Variants in STARD7 observed in about 807,000 individuals in gnomAD.
STARD7 encodes the protein StAR related lipid transfer domain containing 7.
In STARD7, 30 loss-of-function variants were observed where a neutral mutation model predicts 45.3. That is an observed-to-expected ratio of 0.66 (90% confidence interval 0.50 to 0.90). The LOEUF (loss-of-function observed/expected upper bound fraction) is 0.90, where lower values mean the gene tolerates loss of function less well. Ranked by LOEUF, STARD7 falls within the 40% of genes least tolerant of loss-of-function variation. The probability of loss-of-function intolerance (pLI) is 0.00; values close to 1 mark genes in which losing one functional copy is unlikely to be tolerated. For synonymous variants in STARD7, 199 were observed against 183.0 expected (o/e 1.09, Z -0.70); for missense variants, 495 against 491.3 (o/e 1.01, Z -0.07).
intron 1 of STARD7, among the ~76,000 whole-genome samples, chr2:96,200,836 C>T (rs1683293678): frequency 1.3e-5 from 2 of 152,084 alleles, no homozygotes; most frequent in South Asian, 2.1e-4. Flanking sequence ...CTCCACCTCA[C>T]CCTACCCCCT....
rs1360506072 is a variant in STARD7, at chr2:96,193,378, T to C, written c.550-26A>G. 4 of 1,504,950 alleles carry C rather than the reference T, an allele frequency of 2.7e-6. No homozygotes were observed. The African/African-American group carries it at 5.5e-5, about 21-fold the overall frequency. The allele number at this position is 1,504,950 out of a possible 1,614,324, so 93.2% of individuals were successfully genotyped here. The stretch of plus-strand genomic sequence containing the variant: ...CTGCAGAAAGAGAAAAGACCATGAA[T>C]ACCCAAGAAGACCCAAAACAAAAAT... On this transcript the variant is annotated intron_variant, in intron 3 of 7. Transcript: ENST00000337288.
intron 1 of STARD7, among the ~76,000 whole-genome samples, chr2:96,195,825 T>A (rs760150843): frequency 1.6e-4 from 25 of 152,012 alleles, no homozygotes; most frequent in Admixed American, 6.6e-5. Context: ...GATTACAAAG[T>A]GTCAAGTGCT....
At chr2:96,194,844 T>TATA in intron 3 of STARD7, 114 bp downstream of exon 3, 4 of 808,858 alleles carry the variant, frequency 4.9e-6, no homozygotes, top group Non-Finnish European at 8.1e-6. Flanking sequence ...GGATGACAGG[T>TATA]AGATAGATGG....
intron 1 of STARD7, among the ~76,000 whole-genome samples, chr2:96,199,442 G>A (rs1041574113): frequency 1.3e-5 from 2 of 152,140 alleles, no homozygotes; most frequent in Non-Finnish European, 2.9e-5. Context: ...TACTGTAAAT[G>A]AAATTGTTAA....
Position 96,208,252 on chromosome 2 carries a change from G to C in STARD7, c.183C>G (p.Leu61=). 3.7e-6 allele frequency: 6 copies of C among 1,612,100 alleles called. No individual in the cohort carries two copies. Among genetic ancestry groups the C allele is most frequent in the South Asian group, 1.1e-5 (1 of 90,964 alleles). Residue 61 remains leucine, a synonymous_variant, in exon 1 of 8, where the codon CTC becomes CTG. Transcript: ENST00000337288. Reference sequence around the variant, plus strand: ...CAGGACGGCCGTGCAGCCGGCGCCAGAGGCGGCCGAGGAGAACGCGGCGTG... The same window carrying C: ...CAGGACGGCCGTGCAGCCGGCGCCACAGGCGGCCGAGGAGAACGCGGCGTG... ...ESSRRVLLGR[L]WRRLHGRPGH...
chr2:96,196,450 ACTCTGT>A (rs1683207366), intron 1 of STARD7, among the ~76,000 whole-genome samples: 1 of 151,724 alleles, frequency 6.6e-6, no homozygotes, highest in African/African-American at 2.4e-5. Flanking sequence ...ATACAGTAAG[ACTCTGT>A]CTCTTTTTTT....
intron 7 of STARD7, 101 bp downstream of exon 7, chr2:96,187,116 A>G (rs934657198): frequency 2.1e-5 from 22 of 1,053,424 alleles, no homozygotes; most frequent in Middle Eastern, 4.2e-4. Flanking sequence ...AAAAAAAAAA[A>G]AAGAAGAACC....
intron 1 of STARD7, among the ~76,000 whole-genome samples, chr2:96,197,595 A>T (rs1220658677): frequency 6.6e-6 from 1 of 152,212 alleles, no homozygotes; most frequent in African/African-American, 2.4e-5. Context: ...AAATTCACAT[A>T]CCATAAGATT....
At chr2:96,203,053 G>A (rs1020064649) in intron 1 of STARD7, among the ~76,000 whole-genome samples, 1 of 152,206 alleles carries the variant, frequency 6.6e-6, no homozygotes, top group Non-Finnish European at 1.5e-5. Flanking sequence ...ACTGCTTCAC[G>A]AAAATGTAAA....
intron 6 of STARD7, among the ~76,000 whole-genome samples, chr2:96,189,877 T>C (rs1683099558): frequency 6.6e-6 from 1 of 152,166 alleles, no homozygotes; most frequent in Non-Finnish European, 1.5e-5. Flanking sequence ...AATTGAGTTC[T>C]ACAGTACAGG....
At position 96,186,138 on chromosome 2, in the gene STARD7, CAG is replaced by C. The variant is rs1683033460; in HGVS notation, c.*590_*591del. 3 of 151,466 alleles carry C rather than the reference CAG, an allele frequency of 2.0e-5. No individual in the cohort carries two copies. The highest frequency in any genetic ancestry group is 4.9e-5 in the African/African-American group (2 of 41,192). 9.4% of individuals were successfully genotyped at this position (151,466 alleles called of 1,614,324 possible). A position where few individuals can be genotyped will look rare whatever the true frequency, so the allele number is the denominator to read the frequency against. On this transcript the variant is annotated 3_prime_UTR_variant, in exon 8 of 8. Coordinates refer to ENST00000337288, the MANE Select transcript of STARD7 (RefSeq NM_020151.4). Reference sequence around the variant, plus strand: ...AGGAGTTCAAGACCAGCCTGGGAAACAGAGTGAAACTCCATCTCTACTTAAAA... The same window carrying C: ...AGGAGTTCAAGACCAGCCTGGGAAACAGTGAAACTCCATCTCTACTTAAAA...
chr2:96,203,272 T>A (rs1357163653), intron 1 of STARD7, among the ~76,000 whole-genome samples: 3 of 152,178 alleles, frequency 2.0e-5, no homozygotes, highest in Non-Finnish European at 2.9e-5. Context: ...CCTTCACATC[T>A]TAAGAGACTT....
rs1186405547 is a variant in STARD7 at position 96,208,353 on chromosome 2, G to A, written c.82C>T (p.Arg28Cys). The change falls in exon 1 of 8, where the codon CGC becomes TGC. Residue 28 changes from arginine (R) to cysteine (C), a missense_variant. Transcript: ENST00000337288. ...CGCACGCGCAGGCCCGTGACGAAGCGGCACTGATTGGCCAGAAGCGCCAGC... is the reference window on the plus strand; with the variant it reads ...CGCACGCGCAGGCCCGTGACGAAGCAGCACTGATTGGCCAGAAGCGCCAGC... ...GLLALLANQCRFVTGLRVRRA... is the reference protein window; with the variant it reads ...GLLALLANQCCFVTGLRVRRA... 29 of 1,581,876 alleles carry A rather than the reference G, an allele frequency of 1.8e-5. No individual in the cohort carries two copies. Among genetic ancestry groups the A allele is most frequent in the Non-Finnish European group, 2.3e-5 (27 of 1,170,832 alleles).
In STARD7 at chr2:96,185,279, G is replaced by A. The variant is rs1271113512; in HGVS notation, c.*1451C>T. The A allele has an allele frequency of 6.6e-6, 1 of 152,514 alleles. No individual in the cohort carries two copies. Among genetic ancestry groups the A allele is most frequent in the East Asian group, 1.9e-4 (1 of 5,194 alleles). 9.4% of individuals were successfully genotyped at this position (152,514 alleles called of 1,614,324 possible). ...CATACACTGGGGCAGCTACTTCCTT[G>A]GCACAAAAATGAACAGGCAACAAGA... On this transcript the variant is annotated 3_prime_UTR_variant, in exon 8 of 8. Coordinates refer to ENST00000337288, the MANE Select transcript of STARD7 (RefSeq NM_020151.4).
At chr2:96,197,070 A>AAACGAAACGAAAC (rs1573943516) in intron 1 of STARD7, among the ~76,000 whole-genome samples, 1 of 96,396 alleles carries the variant, frequency 1.0e-5, no homozygotes, top group Non-Finnish European at 2.0e-5. Flanking sequence ...CCGTCTCAAA[A>AAACGAAACGAAAC]TAAAATAAAA....
intron 1 of STARD7, among the ~76,000 whole-genome samples, chr2:96,195,799 C>T (rs578154087): frequency 1.3e-5 from 2 of 152,144 alleles, no homozygotes; most frequent in South Asian, 2.1e-4. Context: ...GTACCTATCT[C>T]GAGGTTGGCT....
In STARD7 at chr2:96,208,289, T is replaced by G; in HGVS notation, c.146A>C (p.Tyr49Ser). 1 of 1,610,324 alleles carries G rather than the reference T, an allele frequency of 6.2e-7. No individual in the cohort carries two copies. The highest frequency in any genetic ancestry group is 8.5e-7 in the Non-Finnish European group (1 of 1,179,094). Residue 49 changes from tyrosine to serine, a missense_variant, in exon 1 of 8, where the codon TAC becomes TCC. Around this residue, in one of 2 missense-constraint regions of STARD7, gnomAD observed 282 missense variants for 220.1 expected, o/e 1.28. Coordinates refer to ENST00000337288, the MANE Select transcript of STARD7 (RefSeq NM_020151.4). ...QQIAQLYGRLYSESSRRVLLG... is the reference protein window; with the variant it reads ...QQIAQLYGRLSSESSRRVLLG... ...GAGAACGCGGCGTGAGCTCTCGGAG[T>G]AGAGGCGGCCGTAGAGCTGCGCGAT... is the stretch of plus-strand genomic sequence containing the variant.
chr2:96,208,564 G>A lies in STARD7; in HGVS notation c.-130C>T, dbSNP rs1360153315. ...CCGTCTCACGGTCCCGCGGCCAGGA[G>A]CCGCCGCTCATCTGTCTCTGCAGCC... On this transcript the variant is annotated 5_prime_UTR_variant, in exon 1 of 8. Transcript: ENST00000337288. The A allele has an allele frequency of 1.5e-5, 12 of 790,002 alleles. No individual in the cohort carries two copies. The highest frequency in any genetic ancestry group is 2.2e-5 in the Non-Finnish European group (12 of 552,398). 48.9% of individuals were successfully genotyped at this position (790,002 alleles called of 1,614,324 possible). A position where few individuals can be genotyped will look rare whatever the true frequency, so the allele number is the denominator to read the frequency against.
chr2:96,188,253 T>G (rs1683067608), intron 6 of STARD7: 1 of 133,276 alleles, frequency 7.5e-6, no homozygotes, highest in Non-Finnish European at 1.5e-5. Flanking sequence ...CCAGCCTGGG[T>G]GACAGACCAA....
Sources: allele counts gnomAD v4.1 joint callset (sites outside exome capture counted in the v4.1 genomes callset), GRCh38; gene constraint gnomAD v4.1.1; regional missense constraint gnomAD v4.1.1; transcripts MANE v1.5; gene names NCBI Gene and HGNC (gene_info 2026-07-23, HGNC 2026-07-21).